ATP8A2: variants seen among roughly 807,000 people sequenced by gnomAD.
ATP8A2 encodes the protein phospholipid-transporting ATPase IB.
ATP8A2 carries 100 observed loss-of-function variants against 165.6 expected under a neutral mutation model. That is an observed-to-expected ratio of 0.60 (90% CI 0.51 to 0.71). ATP8A2 has a LOEUF of 0.71. Among genes scored for constraint, ATP8A2 ranks in the 30% least tolerant of loss-of-function variants. ATP8A2 has a pLI of 0.00. For missense variants in ATP8A2, 1,227 were observed against 1,479.5 expected, an observed-to-expected ratio of 0.83 and a Z score of 2.80; for synonymous variants, 543 against 548.8, an observed-to-expected ratio of 0.99 and a Z score of 0.15.
chr13:25,970,861 C>T (rs74655403), intron 35 of ATP8A2, among the ~76,000 whole-genome samples: 16 of 152,274 alleles, frequency 1.1e-4, no homozygotes, highest in African/African-American at 3.6e-4. Context: ...TTAAAATTCA[C>T]TTATCCTGTT....
intron 35 of ATP8A2, among the ~76,000 whole-genome samples, chr13:25,996,315 T>C (rs1956502658): frequency 6.6e-6 from 1 of 152,088 alleles, no homozygotes; most frequent in South Asian, 2.1e-4. Context: ...TTTACCTTTT[T>C]GAGCCATCAC....
intron 2 of ATP8A2, 114 bp downstream of exon 2, chr13:25,469,235 C>A (rs1042333448): frequency 7.5e-7 from 1 of 1,336,320 alleles, no homozygotes. Context: ...CCATCTCCCC[C>A]AGAGCCTTCC....
At chr13:25,459,432 C>T (rs2035449024) in intron 1 of ATP8A2, among the ~76,000 whole-genome samples, 1 of 152,212 alleles carries the variant, frequency 6.6e-6, no homozygotes, top group African/African-American at 2.4e-5. Flanking sequence ...TACTGAATGC[C>T]TTCTGCATCC....
chr13:25,380,475 G>A (rs1387072572), intron 1 of ATP8A2, among the ~76,000 whole-genome samples: 1 of 152,086 alleles, frequency 6.6e-6, no homozygotes, highest in Non-Finnish European at 1.5e-5. Flanking sequence ...CTGGATTTCT[G>A]AGACTTAGTA....
chr13:25,663,040 T>C (rs1296464613), intron 24 of ATP8A2, among the ~76,000 whole-genome samples: 2 of 152,202 alleles, frequency 1.3e-5, no homozygotes, highest in East Asian at 1.9e-4. Flanking sequence ...TAGGTGATCA[T>C]CTCAGGGCAC....
intron 2 of ATP8A2, among the ~76,000 whole-genome samples, chr13:25,506,414 C>T (rs911989231): frequency 6.6e-6 from 1 of 152,192 alleles, no homozygotes; most frequent in Non-Finnish European, 1.5e-5. Flanking sequence ...CCAAATGTAC[C>T]ATCTGGCTGG....
At chr13:25,959,181 C>G (rs1161042934) in intron 33 of ATP8A2, among the ~76,000 whole-genome samples, 3 of 152,174 alleles carry the variant, frequency 2.0e-5, no homozygotes, top group Non-Finnish European at 2.9e-5. Context: ...GCAGGCTGAT[C>G]CAATCCCTTT....
chr13:25,393,802 A>G (rs184208513), intron 1 of ATP8A2, among the ~76,000 whole-genome samples: 167 of 152,324 alleles, frequency 1.1e-3, no homozygotes, highest in Admixed American at 3.0e-3. Context: ...TGCCTTGACT[A>G]TAATACATGC....
intron 24 of ATP8A2, among the ~76,000 whole-genome samples, chr13:25,662,663 A>G (rs2042074410): frequency 1.3e-5 from 2 of 152,196 alleles, no homozygotes; most frequent in South Asian, 4.1e-4. Context: ...CCTAAAATGA[A>G]TTAGTGAGTA....
intron 35 of ATP8A2, among the ~76,000 whole-genome samples, chr13:25,970,171 A>G (rs968673368): frequency 1.3e-5 from 2 of 152,262 alleles, no homozygotes; most frequent in African/African-American, 2.4e-5. Flanking sequence ...TCAAGTATAC[A>G]CAATGATTGC....
intron 1 of ATP8A2, among the ~76,000 whole-genome samples, chr13:25,396,450 G>T (rs1002454441): frequency 6.6e-6 from 1 of 152,094 alleles, no homozygotes; most frequent in African/African-American, 2.4e-5. Context: ...CTAGCCTGGG[G>T]GATGATGGGA....
intron 30 of ATP8A2, among the ~76,000 whole-genome samples, chr13:25,854,802 A>G (rs970840081): frequency 6.6e-6 from 1 of 152,244 alleles, no homozygotes; most frequent in Non-Finnish European, 1.5e-5. Context: ...TGAAGTTTTT[A>G]TAGCAGCTTT....
chr13:25,654,639 C>A (rs1238820297), intron 24 of ATP8A2, among the ~76,000 whole-genome samples: 1 of 152,168 alleles, frequency 6.6e-6, no homozygotes. Flanking sequence ...GGGTTTCCTA[C>A]TGGGTGGACA....
intron 35 of ATP8A2, among the ~76,000 whole-genome samples, chr13:25,980,483 C>T (rs1566323663): frequency 6.6e-6 from 1 of 152,068 alleles, no homozygotes; most frequent in Non-Finnish European, 1.5e-5. Flanking sequence ...TCGGTGTGAC[C>T]AGTGCCTGGG....
At chr13:25,424,816 GAT>G (rs2034398444) in intron 1 of ATP8A2, among the ~76,000 whole-genome samples, 1 of 152,138 alleles carries the variant, frequency 6.6e-6, no homozygotes, top group Non-Finnish European at 1.5e-5. Context: ...AAATTAGCTA[GAT>G]GTGGTGGTGG....
chr13:25,767,516 G>T (rs1313940273), intron 25 of ATP8A2, among the ~76,000 whole-genome samples: 19 of 152,196 alleles, frequency 1.2e-4, no homozygotes, highest in Non-Finnish European at 1.5e-5. Context: ...AGATGTGATA[G>T]CTGTTTTTAT....
intron 2 of ATP8A2, among the ~76,000 whole-genome samples, chr13:25,472,393 C>CAAA (rs71186886): frequency 6.4e-5 from 6 of 93,734 alleles, no homozygotes; most frequent in East Asian, 3.7e-4. Flanking sequence ...GACTCCGTCT[C>CAAA]AAAAAAAAAA....
chr13:25,504,533 G>C (rs1009428121), intron 2 of ATP8A2, among the ~76,000 whole-genome samples: 8 of 146,648 alleles, frequency 5.5e-5, no homozygotes, highest in African/African-American at 2.0e-4. Context: ...GAGGTCAGGA[G>C]ATCGAGACCA....
intron 33 of ATP8A2, among the ~76,000 whole-genome samples, chr13:25,864,881 AG>A (rs35427819): frequency 0.2 from 30,436 of 152,156 alleles, 3,343 homozygotes; most frequent in Non-Finnish European, 0.25. Context: ...GAGTGGGTAA[AG>A]GGGGCCAGGA....
Sources: gnomAD v4.1 joint callset for allele counts (sites outside exome capture counted in the v4.1 genomes callset) on GRCh38, gnomAD v4.1.1 for gene constraint, MANE v1.5 for transcripts, NCBI Gene and HGNC (gene_info 2026-07-23, HGNC 2026-07-21) for gene names.